ADIPOR2: variants seen among roughly 807,000 people sequenced by gnomAD.
ADIPOR2 encodes the protein adiponectin receptor 2, also known as adiponectin receptor protein 2.
A neutral mutation model predicts 40.9 loss-of-function variants in ADIPOR2; 18 were observed. The ratio of observed to expected loss-of-function variants is 0.44; its 90% confidence interval spans 0.30 to 0.65. The LOEUF (loss-of-function observed/expected upper bound fraction) is 0.65, where lower values mean the gene tolerates loss of function less well. Ranked by LOEUF, ADIPOR2 falls within the 30% of genes least tolerant of loss-of-function variation. The pLI, the probability that ADIPOR2 is intolerant of heterozygous loss-of-function variation, is 0.09. For synonymous variants in ADIPOR2, 165 were observed against 166.4 expected, an observed-to-expected ratio of 0.99 and a Z score of 0.06; for missense variants, 283 against 479.2, an observed-to-expected ratio of 0.59 and a Z score of 3.82.
rs368654087 is a variant in ADIPOR2 at position 1,761,943 on chromosome 12, C to T, written c.171+7429C>T. Among the ~76,000 whole-genome samples the T allele has an allele frequency of 2.0e-5, 3 of 152,214 alleles. No homozygotes were observed. In the East Asian group the frequency reaches 5.8e-4, roughly 29 times the overall value. On this transcript the variant is annotated intron_variant, in intron 2 of 7. Transcript: ENST00000357103. ...TCCCATTGCACTTATGGTACAATCC[C>T]AAATTCTTTCTATAACCTTCGGGAT...
At chr12:1,695,031 T>G (rs1362671307) in intron 1 of ADIPOR2, among the ~76,000 whole-genome samples, 2,251 of 86,686 alleles carry the variant, frequency 0.026, 22 homozygotes, top group Middle Eastern at 0.12. Context: ...TTTTTTTGTT[T>G]TGTTTTTTTA....
At position 1,715,436 on chromosome 12, in the gene ADIPOR2, A is replaced by G. The variant is rs563309640; in HGVS notation, c.-87+24245A>G. Reference sequence around the variant, plus strand: ...TGGCTTAGGATGCATTTCAAGGGTGAGCCTGTTGATGCCTGTGTGTTCCCC... The same window carrying G: ...TGGCTTAGGATGCATTTCAAGGGTGGGCCTGTTGATGCCTGTGTGTTCCCC... On this transcript the variant is annotated intron_variant, in intron 1 of 7. Transcript: ENST00000357103. Among the ~76,000 whole-genome samples, 3 of 152,126 alleles carry G rather than the reference A, an allele frequency of 2.0e-5. No individual in the cohort carries two copies. In the East Asian group the frequency reaches 5.8e-4, roughly 29 times the overall value.
chr12:1,703,825 C>T (rs1490260091), intron 1 of ADIPOR2, among the ~76,000 whole-genome samples: 1 of 151,980 alleles, frequency 6.6e-6, no homozygotes, highest in African/African-American at 2.4e-5. Context: ...GTAATCCCAC[C>T]ACCCCAGCCT....
chr12:1,781,228 T>A (rs67405160), intron 6 of ADIPOR2, 152 bp downstream of exon 6: 98,275 of 840,806 alleles, frequency 0.12, 6,240 homozygotes, highest in African/African-American at 0.19. Flanking sequence ...GGGGTTTTTT[T>A]ATGTAGTAGT....
chr12:1,724,341 A>G (rs2094703659), intron 1 of ADIPOR2, among the ~76,000 whole-genome samples: 1 of 152,206 alleles, frequency 6.6e-6, no homozygotes, highest in African/African-American at 2.4e-5. Context: ...TACAACCTGG[A>G]TGAATCTTGA....
At chr12:1,724,243 AGT>A in intron 1 of ADIPOR2, among the ~76,000 whole-genome samples, 1 of 152,258 alleles carries the variant, frequency 6.6e-6, no homozygotes, top group South Asian at 2.1e-4. Context: ...GGCCTCCCAA[AGT>A]GCTGGGATTA....
At chr12:1,763,450 G>A (rs907935019) in intron 2 of ADIPOR2, among the ~76,000 whole-genome samples, 7 of 152,224 alleles carry the variant, frequency 4.6e-5, no homozygotes, top group Admixed American at 1.3e-4. Context: ...ATGTAAAGCA[G>A]TGGTAACACT....
At position 1,784,003 on chromosome 12, in the gene ADIPOR2, A is replaced by G; in HGVS notation, c.962A>G (p.Tyr321Cys). The change falls in exon 7 of 8, where the codon TAC (tyrosine) becomes TGC (cysteine). Residue 321 changes from tyrosine to cysteine, a missense_variant. Tyr to Cys is a radical substitution (Grantham distance 194). Transcript: ENST00000357103. ...IGWLMLMASL[Y>C]ITGAALYAAR... ...TGGTTGATGCTGATGGCCAGCCTCTACATCACAGGAGCTGCCCTGTATGCT... is the reference window on the plus strand; with the variant it reads ...TGGTTGATGCTGATGGCCAGCCTCTGCATCACAGGAGCTGCCCTGTATGCT... 1.2e-6 allele frequency: 2 copies of G among 1,613,954 alleles called. No individual in the cohort carries two copies. Among genetic ancestry groups the G allele is most frequent in the Non-Finnish European group, 1.7e-6 (2 of 1,179,930 alleles).
chr12:1,760,345 C>T (rs1326747228), intron 2 of ADIPOR2, among the ~76,000 whole-genome samples: 1 of 151,966 alleles, frequency 6.6e-6, no homozygotes, highest in East Asian at 1.9e-4. Context: ...ATTTTACATA[C>T]CATAAAATTA....
chr12:1,781,153 A>G (rs1862710728), intron 6 of ADIPOR2, 77 bp downstream of exon 6: 1 of 1,400,988 alleles, frequency 7.1e-7, no homozygotes, highest in Non-Finnish European at 9.6e-7. Context: ...AAGTTCTACC[A>G]TTTGCCAAAC....
rs1592633076 is a variant in ADIPOR2 at position 1,780,542 on chromosome 12, A to G, written c.555A>G (p.Gly185=). 6.2e-7 allele frequency: 1 copy of G among 1,613,546 alleles called. No homozygotes were observed. The highest frequency in any genetic ancestry group is 1.3e-5 in the African/African-American group (1 of 74,800). Residue 185 remains glycine, a synonymous_variant, in exon 5 of 8, where the codon GGA becomes GGG. Coordinates refer to ENST00000357103, the MANE Select transcript of ADIPOR2 (RefSeq NM_024551.3). The part of the protein sequence containing the change: ...VAPLQEKVVF[G]LFFLGAILCL... ...CTCTGCAAGAGAAGGTGGTCTTTGG[A>G]TTATTTTTCTTAGGAGCCATTCTCT... is the stretch of plus-strand genomic sequence containing the variant.
At position 1,781,283 on chromosome 12, in the gene ADIPOR2, G is replaced by C. The variant is rs1862714317; in HGVS notation, c.838+207G>C. 1.3e-5 allele frequency among the ~76,000 whole-genome samples: 2 copies of C among 152,116 alleles called. 1 individual carries two copies. ...AGTAGTGTTTATTAATTGTCTTAAAGCATTAGGGTTGAGGGGTCATGGTGA... is the reference window on the plus strand; with the variant it reads ...AGTAGTGTTTATTAATTGTCTTAAACCATTAGGGTTGAGGGGTCATGGTGA... On this transcript the variant is annotated intron_variant, in intron 6 of 7. Transcript: ENST00000357103.
Position 1,723,302 on chromosome 12 carries a change from C to T in ADIPOR2, c.-86-30956C>T, listed in dbSNP as rs1445204170. 3.3e-5 allele frequency among the ~76,000 whole-genome samples: 5 copies of T among 151,868 alleles called. 1 individual carries two copies. The South Asian group carries it at 6.2e-4, about 19-fold the overall frequency. On this transcript the variant is annotated intron_variant, in intron 1 of 7. Transcript: ENST00000357103. Reference sequence around the variant, plus strand: ...GTTCCATGAGGTCTCATAATCCTCCCCAAAGGAGCTCTTCCCAAAAATAAT... The same window carrying T: ...GTTCCATGAGGTCTCATAATCCTCCTCAAAGGAGCTCTTCCCAAAAATAAT...
At chr12:1,716,047 C>T (rs928108698) in intron 1 of ADIPOR2, among the ~76,000 whole-genome samples, 12 of 152,166 alleles carry the variant, frequency 7.9e-5, no homozygotes, top group African/African-American at 2.4e-4. Context: ...TCTTTGGGTC[C>T]GTGCCACCTT....
intron 1 of ADIPOR2, among the ~76,000 whole-genome samples, chr12:1,716,480 T>G (rs1168075476): frequency 6.6e-6 from 1 of 152,246 alleles, no homozygotes; most frequent in Non-Finnish European, 1.5e-5. Flanking sequence ...TTCGATTGTT[T>G]GTAATATGAT....
In ADIPOR2 at chr12:1,787,963, C is replaced by T. The variant is rs1158470650; in HGVS notation, c.*1891C>T. ...GTGCAGTGCCTGACAGAATAAAGAA[C>T]AGTATTAATCCCTTTGAGAAAGCAT... On this transcript the variant is annotated 3_prime_UTR_variant, in exon 8 of 8. Coordinates refer to ENST00000357103, the MANE Select transcript of ADIPOR2 (RefSeq NM_024551.3). The T allele has an allele frequency of 1.3e-5, 2 of 152,674 alleles. No homozygotes were observed. Among genetic ancestry groups the T allele is most frequent in the African/African-American group, 4.8e-5 (2 of 41,440 alleles). The allele number at this position is 152,674 out of a possible 1,614,324, so 9.5% of individuals were successfully genotyped here. A position where few individuals can be genotyped will look rare whatever the true frequency, so the allele number is the denominator to read the frequency against.
rs373597687 is a variant in ADIPOR2, at chr12:1,761,157, T to C, written c.171+6643T>C. Among the ~76,000 whole-genome samples the C allele has an allele frequency of 4.6e-5, 7 of 152,296 alleles. No homozygotes were observed. In the South Asian group the frequency reaches 1.5e-3, roughly 32 times the overall value. On this transcript the variant is annotated intron_variant, in intron 2 of 7. Coordinates refer to ENST00000357103, the MANE Select transcript of ADIPOR2 (RefSeq NM_024551.3). The stretch of plus-strand genomic sequence containing the variant: ...TGTATATATAGGAAAAAACACAGCA[T>C]ATATAGGGTCCAGCAGTATCCATGA...
intron 4 of ADIPOR2, among the ~76,000 whole-genome samples, chr12:1,779,717 T>TA (rs994227154): frequency 2.0e-5 from 3 of 152,072 alleles, no homozygotes; most frequent in Non-Finnish European, 4.4e-5. Context: ...GAGAGGAGAG[T>TA]AGAGGGTCAA....
intron 2 of ADIPOR2, among the ~76,000 whole-genome samples, chr12:1,767,712 T>C (rs1244967234): frequency 6.6e-6 from 1 of 152,226 alleles, no homozygotes; most frequent in Non-Finnish European, 1.5e-5. Context: ...GTCCTAGAAG[T>C]ATTTCAGAAA....
Sources: gnomAD v4.1 joint callset for allele counts (sites outside exome capture counted in the v4.1 genomes callset) on GRCh38, gnomAD v4.1.1 for gene constraint, MANE v1.5 for transcripts, NCBI Gene and HGNC (gene_info 2026-07-23, HGNC 2026-07-21) for gene names.